The following ACAA1 variants were observed in gnomAD, a reference collection of about 807,000 sequenced individuals.
ACAA1 encodes the protein 3-ketoacyl-CoA thiolase, peroxisomal.
ACAA1 carries 44 observed loss-of-function variants against 48.8 expected under a neutral mutation model. The ratio of observed to expected loss-of-function variants is 0.90; its 90% CI spans 0.71 to 1.16. The LOEUF is 1.16. ACAA1 is among the 50% of genes most tolerant of loss of function. ACAA1 has a pLI of 0.00. For synonymous variants in ACAA1, 233 were observed against 226.5 expected, an observed-to-expected ratio of 1.03 and a Z score of -0.26; for missense variants, 512 against 562.3, an observed-to-expected ratio of 0.91 and a Z score of 0.90.
chr3:38,134,905 C>G (rs1700859742), intron 2 of ACAA1, among the ~76,000 whole-genome samples: 1 of 151,834 alleles, frequency 6.6e-6, no homozygotes, highest in Admixed American at 6.6e-5. Context: ...TGTAAAGGGT[C>G]TGTGCTGAGG....
intron 11 of ACAA1, chr3:38,124,764 AAG>A (rs1700640138): frequency 6.6e-6 from 1 of 152,222 alleles, no homozygotes; most frequent in Admixed American, 6.5e-5. Flanking sequence ...AAGGCTTACA[AAG>A]TCAATGTGAT....
In ACAA1 at chr3:38,126,403, C is replaced by T; in HGVS notation, c.818-62G>A. The T allele has an allele frequency of 6.2e-7, 1 of 1,604,726 alleles. No individual in the cohort carries two copies. Among genetic ancestry groups the T allele is most frequent in the South Asian group, 1.1e-5 (1 of 90,066 alleles). ...TGGGGATGAGGAGATCCCAGCCCTCCCACTTCTACTTTGCAGAGGGGCCTG... is the reference window on the plus strand; with the variant it reads ...TGGGGATGAGGAGATCCCAGCCCTCTCACTTCTACTTTGCAGAGGGGCCTG... On this transcript the variant is annotated intron_variant, in intron 8 of 11. Coordinates refer to ENST00000333167, the MANE Select transcript of ACAA1 (RefSeq NM_001607.4). This position sits in a 1 kb window ranked among gnomAD's most constrained non-coding sequence, Gnocchi z 4.7.
rs761614794 is a variant in ACAA1, at chr3:38,131,923, T to TA, written c.403+2dup. 1 of 1,613,416 alleles carries TA rather than the reference T, an allele frequency of 6.2e-7. No individual in the cohort carries two copies. Among genetic ancestry groups the TA allele is most frequent in the Non-Finnish European group, 8.5e-7 (1 of 1,179,402 alleles). ...CCAAGGCACCCACCCAGTCATAACTTACCTGCTATGCTGGCCACTGCCTGT... is the reference window on the plus strand; with the variant it reads ...CCAAGGCACCCACCCAGTCATAACTTAACCTGCTATGCTGGCCACTGCCTGT... On this transcript the variant is annotated splice_region_variant and intron_variant, in intron 4 of 11. Transcript: ENST00000333167.
chr3:38,127,571 T>G, intron 7 of ACAA1: 1 of 586,200 alleles, frequency 1.7e-6, no homozygotes, highest in Non-Finnish European at 3.1e-6. Flanking sequence ...TAGGGCAAAG[T>G]CAGGGTGAAC....
intron 9 of ACAA1, 90 bp from the exon 10 acceptor site, chr3:38,125,971 G>A: frequency 8.2e-6 from 13 of 1,579,822 alleles, no homozygotes; most frequent in Non-Finnish European, 1.1e-5. Flanking sequence ...GCTGCCTGGT[G>A]TGTGTCTCTT....
chr3:38,126,480 T>C lies in ACAA1; in HGVS notation c.817+30A>G, dbSNP rs759003551. On this transcript the variant is annotated intron_variant, in intron 8 of 11. Coordinates refer to ENST00000333167, the MANE Select transcript of ACAA1 (RefSeq NM_001607.4). This position sits in a 1 kb window ranked among gnomAD's most constrained non-coding sequence, Gnocchi z 4.7. ...CACCCAGCATGGCCATGGCCTGCTT[T>C]CTCATACCCCTACCCCGGACCAGTC... is the stretch of plus-strand genomic sequence containing the variant. 6.2e-7 allele frequency: 1 copy of C among 1,614,098 alleles called. No individual in the cohort carries two copies. The highest frequency in any genetic ancestry group is 1.1e-5 in the South Asian group (1 of 91,078).
At chr3:38,125,779 AC>A in intron 10 of ACAA1, 46 bp downstream of exon 10, 3 of 1,613,890 alleles carry the variant, frequency 1.9e-6, no homozygotes, top group Non-Finnish European at 2.5e-6. Context: ...CGCTCACTCC[AC>A]CTCGGCTGTC....
chr3:38,125,501 T>C, intron 11 of ACAA1, 64 bp downstream of exon 11: 1 of 1,504,880 alleles, frequency 6.6e-7, no homozygotes, highest in East Asian at 2.3e-5. Context: ...CTCTATCCCC[T>C]GCCCTTCAGG....
At position 38,126,318 on chromosome 3, in the gene ACAA1, C is replaced by T. The variant is rs917240882; in HGVS notation, c.841G>A (p.Gly281Arg). ...CGGGCCAGCAGGATGGCAGCTGCCC[C>T]ATCACTCACCTGGCTAGAGTTTCCT... is the stretch of plus-strand genomic sequence containing the variant. ...TAGNSSQVSDGAAAILLARRS... is the reference protein window; with the variant it reads ...TAGNSSQVSDRAAAILLARRS... The change falls in exon 9 of 12, where the codon GGG becomes AGG. Residue 281 changes from glycine (G) to arginine (R), a missense_variant. Physicochemically the swap from Gly to Arg is moderately radical, Grantham distance 125. Transcript: ENST00000333167. This position sits in a 1 kb window ranked among gnomAD's most constrained non-coding sequence, Gnocchi z 4.7. 3.7e-6 allele frequency: 6 copies of T among 1,613,818 alleles called. No homozygotes were observed. In the African/African-American group the frequency reaches 8.0e-5, roughly 22 times the overall value.
rs1319163978 is a variant in ACAA1, at chr3:38,129,478, G to A, written c.447-90C>T. Reference sequence around the variant, plus strand: ...TAGCTGAACACTTGGCAAGTGCTAGGAAATAGCCAGGGAGCCCTAGGAAGA... The same window carrying A: ...TAGCTGAACACTTGGCAAGTGCTAGAAAATAGCCAGGGAGCCCTAGGAAGA... On this transcript the variant is annotated intron_variant, in intron 5 of 11. Transcript: ENST00000333167. The surrounding 1 kb of genome is among the most constrained non-coding windows in gnomAD (Gnocchi z 5.3). 1 of 1,066,052 alleles carries A rather than the reference G, an allele frequency of 9.4e-7. No individual in the cohort carries two copies. Among genetic ancestry groups the A allele is most frequent in the Non-Finnish European group, 1.4e-6 (1 of 720,780 alleles). 66.0% of individuals were successfully genotyped at this position (1,066,052 alleles called of 1,614,324 possible). A position where few individuals can be genotyped will look rare whatever the true frequency, so the allele number is the denominator to read the frequency against.
In ACAA1 at chr3:38,123,071, G is replaced by C. The variant is rs2229529; in HGVS notation, c.1251C>G (p.Ala417=). 5.6e-5 allele frequency: 91 copies of C among 1,614,144 alleles called. No homozygotes were observed. The East Asian group carries it at 1.9e-3, about 34-fold the overall frequency. ...CTCAGTTCCCAGGGTATTCAAAGAC[G>C]GCAGCGGCTCCCATTCCAGTCCCGA... ...MCIGTGMGAA[A]VFEYPGN The change falls in exon 12 of 12, where the codon GCC becomes GCG. Residue 417 remains alanine, a synonymous_variant. Transcript: ENST00000333167.
chr3:38,134,938 C>A (rs1700860209), intron 2 of ACAA1, among the ~76,000 whole-genome samples: 2 of 151,326 alleles, frequency 1.3e-5, no homozygotes, highest in African/African-American at 4.9e-5. Flanking sequence ...AGAGGAAGGC[C>A]TCTATTTCCC....
At position 38,126,365 on chromosome 3, in the gene ACAA1, G is replaced by C. The variant is rs1227376798; in HGVS notation, c.818-24C>G. The C allele has an allele frequency of 2.5e-6, 4 of 1,610,930 alleles. No homozygotes were observed. Among genetic ancestry groups the C allele is most frequent in the Non-Finnish European group, 8.5e-7 (1 of 1,178,110 alleles). Reference sequence around the variant, plus strand: ...TCCTAGGGGCAAACTGTTGGGGTAAGAAGGCATCGGGGTGGGGATGAGGAG... The same window carrying C: ...TCCTAGGGGCAAACTGTTGGGGTAACAAGGCATCGGGGTGGGGATGAGGAG... On this transcript the variant is annotated intron_variant, in intron 8 of 11. Transcript: ENST00000333167. The surrounding 1 kb of genome is among the most constrained non-coding windows in gnomAD (Gnocchi z 4.7).
intron 7 of ACAA1, 110 bp downstream of exon 7, chr3:38,127,676 G>A (rs1700705363): frequency 1.7e-5 from 19 of 1,118,610 alleles, no homozygotes; most frequent in Non-Finnish European, 2.6e-5. Flanking sequence ...GGCCTGGAAA[G>A]CACTCACTGC....
Position 38,136,902 on chromosome 3 carries a change from C to G in ACAA1, c.134G>C (p.Arg45Pro), listed in dbSNP as rs1004255722. 2.6e-6 allele frequency: 4 copies of G among 1,533,498 alleles called. No individual in the cohort carries two copies. The highest frequency in any genetic ancestry group is 3.5e-6 in the Non-Finnish European group (4 of 1,144,006). The allele number at this position is 1,533,498 out of a possible 1,614,324, so 95.0% of individuals were successfully genotyped here. ...AADVVVVHGR[R>P]TAICRAGRGG... ...GCGGCCCGCCCGGCAGATGGCCGTG[C>G]GCCGCCCGTGCACCACCACCACGTC... The change falls in exon 1 of 12, where the codon CGC (arginine) becomes CCC (proline). Residue 45 changes from arginine (R) to proline (P), a missense_variant. Coordinates refer to ENST00000333167, the MANE Select transcript of ACAA1 (RefSeq NM_001607.4).
At chr3:38,125,530 C>A (rs746162673) in intron 11 of ACAA1, 35 bp downstream of exon 11, 1 of 1,510,410 alleles carries the variant, frequency 6.6e-7, no homozygotes, top group Non-Finnish European at 8.9e-7. Context: ...CTTGGATATC[C>A]CCCTATGACC....
intron 5 of ACAA1, 127 bp downstream of exon 5, chr3:38,131,469 C>A (rs947007537): frequency 3.4e-5 from 32 of 934,754 alleles, no homozygotes; most frequent in Non-Finnish European, 5.5e-5. Context: ...TTGTGAGAAC[C>A]CACTCGTGGC....
intron 11 of ACAA1, chr3:38,123,380 G>A: frequency 2.1e-6 from 1 of 468,100 alleles, no homozygotes; most frequent in Non-Finnish European, 3.8e-6. Flanking sequence ...GTGTTTCTGT[G>A]TGCATGTTCC....
chr3:38,131,618 A>G lies in ACAA1; in HGVS notation c.424T>C (p.Tyr142His). The G allele has an allele frequency of 6.2e-7, 1 of 1,614,220 alleles. No individual in the cohort carries two copies. The highest frequency in any genetic ancestry group is 8.5e-7 in the Non-Finnish European group (1 of 1,180,036). The change falls in exon 5 of 12, where the codon TAT (tyrosine) becomes CAT (histidine). Residue 142 changes from tyrosine (Y) to histidine (H), a missense_variant. Tyr to His is a moderately conservative substitution (Grantham distance 83). Transcript: ENST00000333167. ...SIAGGIRNGS[Y>H]DIGMACGVES... is the part of the protein sequence containing the mutation. Reference sequence around the variant, plus strand: ...TACCCACAGGCCATGCCAATGTCATAAGACCCATTTCTGATGCCACCTGTA... The same window carrying G: ...TACCCACAGGCCATGCCAATGTCATGAGACCCATTTCTGATGCCACCTGTA...
Sources: gnomAD v4.1 joint callset for allele counts (sites outside exome capture counted in the v4.1 genomes callset) on GRCh38, gnomAD v4.1.1 for gene constraint, Gnocchi (gnomAD v3.1) non-coding constraint, MANE v1.5 for transcripts, NCBI Gene and HGNC (gene_info 2026-07-23, HGNC 2026-07-21) for gene names.